Variants in POLQ observed in about 807,000 individuals in gnomAD.
POLQ encodes the protein epididymis secretory sperm binding protein.
A neutral mutation model predicts 259.2 loss-of-function variants in POLQ; 233 were observed. That is an observed-to-expected ratio of 0.90 (90% confidence interval 0.81 to 1.00). The LOEUF is 1.00. Among genes scored for constraint, POLQ ranks in the 50% least tolerant of loss-of-function variants. The probability of loss-of-function intolerance (pLI) is 0.00; values close to 1 mark genes in which losing one functional copy is unlikely to be tolerated. For missense variants in POLQ, 2,871 were observed against 3,051.6 expected (o/e 0.94, Z 1.39); for synonymous variants, 1,025 against 1,048.8 (o/e 0.98, Z 0.44).
chr3:121,489,075 G>C lies in POLQ; in HGVS notation c.3856C>G (p.Leu1286Val). The C allele has an allele frequency of 6.2e-7, 1 of 1,613,462 alleles. No individual in the cohort carries two copies. The change falls in exon 16 of 30, where the codon CTA (leucine) becomes GTA (valine). Residue 1286 changes from leucine (L) to valine (V), a missense_variant. Coordinates refer to ENST00000264233, the MANE Select transcript of POLQ (RefSeq NM_199420.4). ...TTTTCTTGTAGTCTAGAAATATTTAGAAAATTCTCATGCTGGCCTTCTGAT... is the reference window on the plus strand; with the variant it reads ...TTTTCTTGTAGTCTAGAAATATTTACAAAATTCTCATGCTGGCCTTCTGAT... ...SKSEGQHENF[L>V]NISRLQEKTG...
At chr3:121,525,471 T>C (rs2048366694) in intron 7 of POLQ, among the ~76,000 whole-genome samples, 1 of 152,074 alleles carries the variant, frequency 6.6e-6, no homozygotes, top group Non-Finnish European at 1.5e-5. Context: ...ACAGAAGGGG[T>C]TCATCTTGCT....
chr3:121,487,866 G>C lies in POLQ; in HGVS notation c.5065C>G (p.Gln1689Glu), dbSNP rs373077657. Reference protein sequence around the residue: ...QEVISNLETKQVQGISFSSNN... With the variant: ...QEVISNLETKEVQGISFSSNN... Reference sequence around the variant, plus strand: ...GAAGAAAATGAAATTCCCTGCACTTGTTTTGTCTCCAAGTTTGAAATAACT... The same window carrying C: ...GAAGAAAATGAAATTCCCTGCACTTCTTTTGTCTCCAAGTTTGAAATAACT... The change falls in exon 16 of 30, where the codon CAA becomes GAA. Residue 1689 changes from glutamine (Q) to glutamate (E), a missense_variant. Gln to Glu is a conservative substitution (Grantham distance 29, BLOSUM62 2). This residue lies in a region of POLQ where 2,080 missense variants were observed against 2,126.0 expected (regional missense o/e 0.98). Coordinates refer to ENST00000264233, the MANE Select transcript of POLQ (RefSeq NM_199420.4). 2.4e-5 allele frequency: 39 copies of C among 1,610,376 alleles called. No individual in the cohort carries two copies. In the African/African-American group the frequency reaches 2.5e-4, roughly 11 times the overall value.
Position 121,533,066 on chromosome 3 carries a change from G to A in POLQ, c.884C>T (p.Ser295Leu). ...TDFRPVPLLE[S>L]VKVGNSIYDS... ...ATATATGGAATTTCCAACTTTTACTGACTCCAAAAGCGGTACAGGGCGAAA... is the reference window on the plus strand; with the variant it reads ...ATATATGGAATTTCCAACTTTTACTAACTCCAAAAGCGGTACAGGGCGAAA... Residue 295 changes from serine (S) to leucine (L), a missense_variant, in exon 6 of 30, where the codon TCA becomes TTA. This residue lies in a region of POLQ where 783 missense variants were observed against 906.2 expected (regional missense o/e 0.86). Transcript: ENST00000264233. The A allele has an allele frequency of 1.9e-6, 3 of 1,613,846 alleles. No homozygotes were observed. The highest frequency in any genetic ancestry group is 2.5e-6 in the Non-Finnish European group (3 of 1,179,906).
chr3:121,496,079 G>A (rs1042280409), intron 14 of POLQ, among the ~76,000 whole-genome samples: 3 of 151,740 alleles, frequency 2.0e-5, no homozygotes, highest in South Asian at 2.1e-4. Flanking sequence ...CATTAAGGCA[G>A]ACCAGTGGTT....
intron 25 of POLQ, among the ~76,000 whole-genome samples, chr3:121,455,276 A>G (rs1317421267): frequency 7.0e-6 from 1 of 143,702 alleles, no homozygotes; most frequent in Non-Finnish European, 1.5e-5. Context: ...CACAAGAGAA[A>G]GCAGGAAAGA....
At chr3:121,461,949 T>A (rs1470135478) in intron 24 of POLQ, among the ~76,000 whole-genome samples, 1 of 152,162 alleles carries the variant, frequency 6.6e-6, no homozygotes. Flanking sequence ...AAAACAGAGA[T>A]AAATACTAAT....
At chr3:121,455,653 C>T (rs566157165) in intron 25 of POLQ, among the ~76,000 whole-genome samples, 9 of 152,260 alleles carry the variant, frequency 5.9e-5, no homozygotes, top group Admixed American at 3.3e-4. Context: ...ATAAATTCCA[C>T]GACACACACA....
intron 12 of POLQ, among the ~76,000 whole-genome samples, chr3:121,507,610 C>T (rs140189039): frequency 2.6e-5 from 4 of 151,912 alleles, no homozygotes; most frequent in Admixed American, 6.6e-5. Flanking sequence ...ACCTGTAGTC[C>T]CAGCTACTCA....
At chr3:121,499,341 C>G (rs1010987834) in intron 12 of POLQ, among the ~76,000 whole-genome samples, 1 of 151,062 alleles carries the variant, frequency 6.6e-6, no homozygotes, top group African/African-American at 2.4e-5. Flanking sequence ...AAGCTTCAAC[C>G]TCCTGTGCTC....
chr3:121,498,639 A>G lies in POLQ; in HGVS notation c.1991T>C (p.Ile664Thr). The G allele has an allele frequency of 6.2e-7, 1 of 1,613,362 alleles. No individual in the cohort carries two copies. Among genetic ancestry groups the G allele is most frequent in the Non-Finnish European group, 8.5e-7 (1 of 1,179,282 alleles). ...TAAACAGAAAAATCGATACCAATCAATAGTAGTCCAATCCTCAAACATAGG... is the reference window on the plus strand; with the variant it reads ...TAAACAGAAAAATCGATACCAATCAGTAGTAGTCCAATCCTCAAACATAGG... The part of the protein sequence containing the change: ...VTPMFEDWTT[I>T]DWYRFFCLWE... The change falls in exon 13 of 30, where the codon ATT (isoleucine) becomes ACT (threonine). Residue 664 changes from isoleucine (I) to threonine (T), a missense_variant. Physicochemically the swap from Ile to Thr is moderately conservative, Grantham distance 89 (BLOSUM62 -1). Around this residue, in one of 3 missense-constraint regions of POLQ, gnomAD observed 783 missense variants for 906.2 expected, o/e 0.86. Transcript: ENST00000264233.
Position 121,488,146 on chromosome 3 carries a change from A to C in POLQ, c.4785T>G (p.Asp1595Glu). The C allele has an allele frequency of 2.5e-6, 4 of 1,613,312 alleles. No individual in the cohort carries two copies. Among genetic ancestry groups the C allele is most frequent in the Non-Finnish European group, 3.4e-6 (4 of 1,179,582 alleles). Residue 1595 changes from aspartate (D) to glutamate (E), a missense_variant, in exon 16 of 30, where the codon GAT becomes GAG. Physicochemically the swap from Asp to Glu is conservative, Grantham distance 45. This residue lies in a region of POLQ where 2,080 missense variants were observed against 2,126.0 expected (regional missense o/e 0.98). Transcript: ENST00000264233. Reference sequence around the variant, plus strand: ...CTTGGTGGTGCTCATCAAGTACTGGATCACTTAGTTCTAATGCTCTAGGAG... The same window carrying C: ...CTTGGTGGTGCTCATCAAGTACTGGCTCACTTAGTTCTAATGCTCTAGGAG... Reference protein sequence around the residue: ...VVSPRALELSDPVLDEHHQGD... With the variant: ...VVSPRALELSEPVLDEHHQGD...
At chr3:121,459,484 C>T (rs2047773560) in intron 25 of POLQ, among the ~76,000 whole-genome samples, 1 of 150,968 alleles carries the variant, frequency 6.6e-6, no homozygotes, top group African/African-American at 2.4e-5. Context: ...TGGGTTCACG[C>T]CATTCTCCTG....
intron 19 of POLQ, among the ~76,000 whole-genome samples, chr3:121,478,968 G>A (rs1402902613): frequency 6.6e-6 from 1 of 152,110 alleles, no homozygotes; most frequent in Middle Eastern, 3.2e-3. Flanking sequence ...TCCAGAATTA[G>A]AGTACACATT....
intron 25 of POLQ, among the ~76,000 whole-genome samples, chr3:121,454,380 C>A (rs1351519781): frequency 1.3e-5 from 2 of 152,082 alleles, no homozygotes; most frequent in Non-Finnish European, 2.9e-5. Context: ...TCACACATAA[C>A]AATATTAACT....
chr3:121,538,208 T>C (rs758092607), intron 4 of POLQ, among the ~76,000 whole-genome samples: 3 of 151,980 alleles, frequency 2.0e-5, no homozygotes, highest in African/African-American at 4.8e-5. Flanking sequence ...AAAAGACAAT[T>C]TTAAGAGTTT....
intron 25 of POLQ, among the ~76,000 whole-genome samples, chr3:121,452,696 C>T (rs1045722387): frequency 6.6e-6 from 1 of 152,194 alleles, no homozygotes; most frequent in African/African-American, 2.4e-5. Flanking sequence ...CCAATGCCCG[C>T]CATTGCCCAG....
Position 121,473,502 on chromosome 3 carries a change from T to C in POLQ, c.6406-15A>G. ...AAAAATAAAACCTGCAAGAAATTAA[T>C]GTCTCTTTAGTCAAGAATGAAACTT... On this transcript the variant is annotated splice_polypyrimidine_tract_variant and intron_variant, in intron 20 of 29. Coordinates refer to ENST00000264233, the MANE Select transcript of POLQ (RefSeq NM_199420.4). 6.2e-7 allele frequency: 1 copy of C among 1,603,672 alleles called. No homozygotes were observed. Among genetic ancestry groups the C allele is most frequent in the Non-Finnish European group, 8.5e-7 (1 of 1,173,670 alleles).
At chr3:121,522,195 C>T in intron 7 of POLQ, 46 bp from the exon 8 acceptor site, 1 of 1,396,064 alleles carries the variant, frequency 7.2e-7, no homozygotes. Flanking sequence ...AACTCAGCTT[C>T]TTTAAGTGTA....
rs1204208389 is a variant in POLQ at position 121,522,165 on chromosome 3, T to G, written c.1109-16A>C. ...TTCACCAATCCTGTCACAAAAAAAT[T>G]ATCAACACCATTTGCTTCTAACTCA... On this transcript the variant is annotated splice_polypyrimidine_tract_variant and intron_variant, in intron 7 of 29. Coordinates refer to ENST00000264233, the MANE Select transcript of POLQ (RefSeq NM_199420.4). 6 of 1,587,520 alleles carry G rather than the reference T, an allele frequency of 3.8e-6. No individual in the cohort carries two copies. The African/African-American group carries it at 8.2e-5, about 22-fold the overall frequency.
Sources: allele counts gnomAD v4.1 joint callset (sites outside exome capture counted in the v4.1 genomes callset), GRCh38; gene constraint gnomAD v4.1.1; regional missense constraint gnomAD v4.1.1; transcripts MANE v1.5; gene names NCBI Gene and HGNC (gene_info 2026-07-23, HGNC 2026-07-21).